GABRB3: variants seen among roughly 807,000 people sequenced by gnomAD.
GABRB3 encodes the protein gamma-aminobutyric acid type A receptor subunit beta3.
In GABRB3, 14 loss-of-function variants were observed where a neutral mutation model predicts 52.1. The observed-to-expected ratio is 0.27, with a 90% CI of 0.18 to 0.42. The LOEUF is 0.42. Among genes scored for constraint, GABRB3 ranks in the 10% least tolerant of loss-of-function variants. The pLI is 1.00. For synonymous variants in GABRB3, 260 were observed against 232.3 expected (o/e 1.12, Z -1.08); for missense variants, 307 against 609.1 (o/e 0.50, Z 5.22).
At chr15:26,669,285 T>A (rs571645802) in intron 3 of GABRB3, among the ~76,000 whole-genome samples, 2 of 152,296 alleles carry the variant, frequency 1.3e-5, no homozygotes, top group East Asian at 3.9e-4. Flanking sequence ...TCTCCAAAAT[T>A]TAGACAGCTT....
At chr15:26,733,605 T>C (rs1206057274) in intron 3 of GABRB3, among the ~76,000 whole-genome samples, 3 of 152,184 alleles carry the variant, frequency 2.0e-5, no homozygotes, top group Non-Finnish European at 4.4e-5. Context: ...CTAAAACCCA[T>C]TGATGTTTTA....
intron 3 of GABRB3, among the ~76,000 whole-genome samples, chr15:26,633,956 G>A (rs932796333): frequency 6.6e-6 from 1 of 152,302 alleles, no homozygotes; most frequent in African/African-American, 2.4e-5. Flanking sequence ...AAAGTGTGGC[G>A]TTTTCTCTAA....
At chr15:26,651,273 T>C (rs1053335940) in intron 3 of GABRB3, among the ~76,000 whole-genome samples, 3 of 152,226 alleles carry the variant, frequency 2.0e-5, no homozygotes, top group African/African-American at 7.2e-5. Flanking sequence ...CCTCACCCGC[T>C]TGTTCACACA....
chr15:26,664,311 T>C (rs1887636441), intron 3 of GABRB3, among the ~76,000 whole-genome samples: 1 of 152,218 alleles, frequency 6.6e-6, no homozygotes, highest in Admixed American at 6.5e-5. Flanking sequence ...AATTTTTGTT[T>C]CAATCTTCAA....
intron 3 of GABRB3, among the ~76,000 whole-genome samples, chr15:26,622,961 G>A (rs1180956411): frequency 6.6e-6 from 1 of 152,196 alleles, no homozygotes; most frequent in Admixed American, 6.5e-5. Context: ...TCAAGTTAAA[G>A]GAGAGGCAGC....
At chr15:26,640,529 T>G (rs1320465918) in intron 3 of GABRB3, among the ~76,000 whole-genome samples, 1 of 151,922 alleles carries the variant, frequency 6.6e-6, no homozygotes, top group Non-Finnish European at 1.5e-5. Flanking sequence ...AAAAAAAAAG[T>G]AGCAAAAGGT....
intron 3 of GABRB3, among the ~76,000 whole-genome samples, chr15:26,718,278 G>A (rs904559012): frequency 2.6e-5 from 4 of 151,876 alleles, no homozygotes; most frequent in Non-Finnish European, 5.9e-5. Context: ...GCACGATCTC[G>A]GCTCACCGCA....
chr15:26,570,396 A>T (rs950587752), intron 6 of GABRB3, among the ~76,000 whole-genome samples: 15 of 152,100 alleles, frequency 9.9e-5, no homozygotes, highest in African/African-American at 3.6e-4. Context: ...CGGGGGCCAG[A>T]CCCTCCTCGC....
intron 6 of GABRB3, among the ~76,000 whole-genome samples, chr15:26,578,357 A>G (rs928353205): frequency 6.6e-6 from 1 of 152,204 alleles, no homozygotes; most frequent in Non-Finnish European, 1.5e-5. Context: ...TAAATGCAGG[A>G]CTCAGTATGT....
At chr15:26,764,875 A>C (rs912093109) in intron 3 of GABRB3, among the ~76,000 whole-genome samples, 2 of 152,160 alleles carry the variant, frequency 1.3e-5, no homozygotes, top group African/African-American at 4.8e-5. Flanking sequence ...TCACGCCTGT[A>C]ATCCCAGCAC....
intron 3 of GABRB3, among the ~76,000 whole-genome samples, chr15:26,692,939 T>C (rs1888630652): frequency 6.6e-6 from 1 of 152,286 alleles, no homozygotes; most frequent in South Asian, 2.1e-4. Context: ...GAGCAAAGGA[T>C]TTAGATCCGA....
At chr15:26,671,739 T>C (rs1039522681) in intron 3 of GABRB3, among the ~76,000 whole-genome samples, 1 of 152,234 alleles carries the variant, frequency 6.6e-6, no homozygotes, top group African/African-American at 2.4e-5. Flanking sequence ...TACTTTGTAC[T>C]ATTAAGAAGC....
chr15:26,594,479 T>C (rs1275398031), intron 4 of GABRB3, among the ~76,000 whole-genome samples: 2 of 152,174 alleles, frequency 1.3e-5, no homozygotes, highest in Non-Finnish European at 2.9e-5. Context: ...GTTTAGAGAA[T>C]GTTTTAAATT....
chr15:26,718,327 G>A (rs998376098), intron 3 of GABRB3, among the ~76,000 whole-genome samples: 7 of 152,064 alleles, frequency 4.6e-5, no homozygotes, highest in African/African-American at 1.4e-4. Context: ...TCCTGCCTCA[G>A]CCTTCCCAAG....
chr15:26,691,341 G>A lies in GABRB3; in HGVS notation c.241-69807C>T, dbSNP rs188065627. Among the ~76,000 whole-genome samples the A allele has an allele frequency of 4.3e-4, 66 of 152,260 alleles. 1 individual carries two copies. Among genetic ancestry groups the A allele is most frequent in the African/African-American group, 1.5e-3 (64 of 41,562 alleles). On this transcript the variant is annotated intron_variant, in intron 3 of 8. Coordinates refer to ENST00000311550, the MANE Select transcript of GABRB3 (RefSeq NM_000814.6). ...AAAGAACCATCAAGATGCAAAGACGGGGAAGAAAAAAGAAGCCTGAACAAT... is the reference window on the plus strand; with the variant it reads ...AAAGAACCATCAAGATGCAAAGACGAGGAAGAAAAAAGAAGCCTGAACAAT...
At chr15:26,711,971 A>G (rs1889311995) in intron 3 of GABRB3, among the ~76,000 whole-genome samples, 1 of 152,162 alleles carries the variant, frequency 6.6e-6, no homozygotes, top group Admixed American at 6.5e-5. Context: ...TACTGAGAAG[A>G]AGAGAGCTTG....
chr15:26,709,185 T>A (rs1032751480), intron 3 of GABRB3, among the ~76,000 whole-genome samples: 1 of 152,194 alleles, frequency 6.6e-6, no homozygotes, highest in Non-Finnish European at 1.5e-5. Context: ...ATGTGTCCAC[T>A]CCAAATCTTA....
At chr15:26,754,047 T>C (rs1329762688) in intron 3 of GABRB3, among the ~76,000 whole-genome samples, 1 of 152,206 alleles carries the variant, frequency 6.6e-6, no homozygotes, top group Non-Finnish European at 1.5e-5. Flanking sequence ...GTGTGTGGGC[T>C]TGCTTCAGAT....
intron 6 of GABRB3, among the ~76,000 whole-genome samples, 160 bp downstream of exon 6, chr15:26,580,159 C>T (rs1043963670): frequency 1.3e-5 from 2 of 152,204 alleles, no homozygotes; most frequent in African/African-American, 4.8e-5. Context: ...TATCACTCTC[C>T]TTTAGATACA....
Sources: gnomAD v4.1 joint callset for allele counts (sites outside exome capture counted in the v4.1 genomes callset) on GRCh38, gnomAD v4.1.1 for gene constraint, MANE v1.5 for transcripts, NCBI Gene and HGNC (gene_info 2026-07-23, HGNC 2026-07-21) for gene names.